The following MAPKAPK5 variants were observed in gnomAD, a reference collection of about 807,000 sequenced individuals.
MAPKAPK5 encodes the protein MAPK activated protein kinase 5, also known as MAP kinase-activated protein kinase 5.
In MAPKAPK5, 30 loss-of-function variants were observed where a neutral mutation model predicts 65.1. The ratio of observed to expected loss-of-function variants is 0.46; its 90% CI spans 0.34 to 0.63. The LOEUF (loss-of-function observed/expected upper bound fraction) is 0.63, where lower values mean the gene tolerates loss of function less well. Ranked by LOEUF, MAPKAPK5 falls within the 20% of genes least tolerant of loss-of-function variation. The pLI, the probability that MAPKAPK5 is intolerant of heterozygous loss-of-function variation, is 0.01. For missense variants in MAPKAPK5, 433 were observed against 581.4 expected (o/e 0.74, Z 2.63); for synonymous variants, 179 against 204.6 (o/e 0.87, Z 1.07).
At chr12:111,845,445 C>G (rs969381640) in intron 1 of MAPKAPK5, among the ~76,000 whole-genome samples, 5 of 152,136 alleles carry the variant, frequency 3.3e-5, no homozygotes, top group African/African-American at 1.2e-4. Flanking sequence ...CATGAGCTAC[C>G]ACGCCCAGCC....
At position 111,900,257 on chromosome 12, in the gene MAPKAPK5, T is replaced by C. The variant is rs756878138; in HGVS notation, c.*7196T>C. ...TCGTTGGGCATCACCCTGGACAGAA[T>C]ATGGGCCAGGCCTTTCTCAGTGGTG... On this transcript the variant is annotated 3_prime_UTR_variant, in exon 14 of 14. Transcript: ENST00000550735. 7 of 455,852 alleles carry C rather than the reference T, an allele frequency of 1.5e-5. No homozygotes were observed. Among genetic ancestry groups the C allele is most frequent in the Non-Finnish European group, 3.1e-5 (7 of 226,798 alleles). The allele number at this position is 455,852 out of a possible 1,614,324, so 28.2% of individuals were successfully genotyped here.
chr12:111,859,297 C>T (rs2069347767), intron 1 of MAPKAPK5, among the ~76,000 whole-genome samples: 1 of 148,232 alleles, frequency 6.7e-6, no homozygotes, highest in Non-Finnish European at 1.5e-5. Context: ...TTAGTTTTTT[C>T]GAGACGGAGT....
rs546502148 is a variant in MAPKAPK5, at chr12:111,889,721, C to T, written c.1217-319C>T. The T allele has an allele frequency of 1.4e-4, 34 of 248,562 alleles. No homozygotes were observed. The East Asian group carries it at 2.7e-3, about 20-fold the overall frequency. 15.4% of individuals were successfully genotyped at this position (248,562 alleles called of 1,614,324 possible). On this transcript the variant is annotated intron_variant, in intron 12 of 13. Coordinates refer to ENST00000550735, the MANE Select transcript of MAPKAPK5 (RefSeq NM_003668.4). Reference sequence around the variant, plus strand: ...CTTAGGGGAGAGAAAGTAGCCCACTCTCCCACTTTTTGGTCTTTGGTTGAC... The same window carrying T: ...CTTAGGGGAGAGAAAGTAGCCCACTTTCCCACTTTTTGGTCTTTGGTTGAC...
intron 8 of MAPKAPK5, chr12:111,882,784 C>T (rs2070279106): frequency 1.0e-5 from 10 of 985,290 alleles, no homozygotes; most frequent in Non-Finnish European, 1.2e-5. Flanking sequence ...CTGTTCTTCC[C>T]TCCAGTCCTC....
Position 111,900,574 on chromosome 12 carries a change from G to T in MAPKAPK5, c.*7513G>T, listed in dbSNP as rs1472839412. Reference sequence around the variant, plus strand: ...GGCCGCAAGCGTAGGGATTCTGCCTGTGGAAATGGTGTGGTGGAGGACACG... The same window carrying T: ...GGCCGCAAGCGTAGGGATTCTGCCTTTGGAAATGGTGTGGTGGAGGACACG... On this transcript the variant is annotated 3_prime_UTR_variant, in exon 14 of 14. Transcript: ENST00000550735. The T allele has an allele frequency of 4.4e-6, 2 of 456,046 alleles. No individual in the cohort carries two copies. Among genetic ancestry groups the T allele is most frequent in the Admixed American group, 4.7e-5 (2 of 42,562 alleles). 28.2% of individuals were successfully genotyped at this position (456,046 alleles called of 1,614,324 possible). A position where few individuals can be genotyped will look rare whatever the true frequency, so the allele number is the denominator to read the frequency against.
In MAPKAPK5 at chr12:111,900,289, C is replaced by G. The variant is rs562836029; in HGVS notation, c.*7228C>G. On this transcript the variant is annotated 3_prime_UTR_variant, in exon 14 of 14. Transcript: ENST00000550735. ...CAGGCCTTTCTCAGTGGTGCCTGCT[C>G]AAGCGGTTTTGCGGCAGCTGTTGAA... is the stretch of plus-strand genomic sequence containing the variant. The G allele has an allele frequency of 1.1e-3, 485 of 456,040 alleles. 5 individuals are homozygous for G. Among genetic ancestry groups the G allele is most frequent in the South Asian group, 3.3e-3 (210 of 64,552 alleles). The allele number at this position is 456,040 out of a possible 1,614,324, so 28.2% of individuals were successfully genotyped here. A position where few individuals can be genotyped will look rare whatever the true frequency, so the allele number is the denominator to read the frequency against.
rs11066047 is a variant in MAPKAPK5 at position 111,847,624 on chromosome 12, A to C, written c.36+4855A>C. Among the ~76,000 whole-genome samples, 8,436 of 152,268 alleles carry C rather than the reference A, an allele frequency of 0.055. 1,302 individuals carry two copies. In the East Asian group the frequency reaches 0.61, roughly 11 times the overall value. ...TTAAAAAAAATTGTATAGTTTGTACATCATAAAAATACCCCCAATATAAAT... is the reference window on the plus strand; with the variant it reads ...TTAAAAAAAATTGTATAGTTTGTACCTCATAAAAATACCCCCAATATAAAT... On this transcript the variant is annotated intron_variant, in intron 1 of 13. Coordinates refer to ENST00000550735, the MANE Select transcript of MAPKAPK5 (RefSeq NM_003668.4).
Position 111,889,810 on chromosome 12 carries a change from C to T in MAPKAPK5, c.1217-230C>T, listed in dbSNP as rs2070544189. On this transcript the variant is annotated intron_variant, in intron 12 of 13. Coordinates refer to ENST00000550735, the MANE Select transcript of MAPKAPK5 (RefSeq NM_003668.4). ...TATTTCCCATCCCCTGGTGCTAAGA[C>T]TCTGGGGCCATCAGTGGATTTGTAT... The T allele has an allele frequency of 6.8e-6, 3 of 442,784 alleles. No individual in the cohort carries two copies. In the South Asian group the frequency reaches 7.6e-5, roughly 11 times the overall value. 27.4% of individuals were successfully genotyped at this position (442,784 alleles called of 1,614,324 possible). A position where few individuals can be genotyped will look rare whatever the true frequency, so the allele number is the denominator to read the frequency against.
chr12:111,869,814 A>G (rs761852677), intron 5 of MAPKAPK5, among the ~76,000 whole-genome samples: 2 of 152,260 alleles, frequency 1.3e-5, no homozygotes, highest in Non-Finnish European at 2.9e-5. Context: ...ATGAGTTTCC[A>G]GTATGAATTG....
In MAPKAPK5 at chr12:111,900,871, C is replaced by T; in HGVS notation, c.*7810C>T. The stretch of plus-strand genomic sequence containing the variant: ...TGCCTTAAAGTTCATTGTATGGACC[C>T]TAATAATCAGTGCTTACAATTATAT... On this transcript the variant is annotated 3_prime_UTR_variant, in exon 14 of 14. Coordinates refer to ENST00000550735, the MANE Select transcript of MAPKAPK5 (RefSeq NM_003668.4). The T allele has an allele frequency of 2.2e-6, 1 of 456,010 alleles. No individual in the cohort carries two copies. The highest frequency in any genetic ancestry group is 3.3e-4 in the Middle Eastern group (1 of 3,070). The allele number at this position is 456,010 out of a possible 1,614,324, so 28.2% of individuals were successfully genotyped here.
At position 111,883,709 on chromosome 12, in the gene MAPKAPK5, T is replaced by C; in HGVS notation, c.789T>C (p.Phe263=). The C allele has an allele frequency of 6.2e-7, 1 of 1,614,000 alleles. No individual in the cohort carries two copies. The highest frequency in any genetic ancestry group is 1.3e-5 in the African/African-American group (1 of 75,042). ...GAAGAAAGATCATGACAGGCAGTTT[T>C]GAGTTCCCAGAGGAAGAGTGGAGTC... The part of the protein sequence containing the change: ...DMRRKIMTGS[F]EFPEEEWSQI... Residue 263 remains phenylalanine (F), a synonymous_variant, in exon 9 of 14, where the codon TTT becomes TTC. Coordinates refer to ENST00000550735, the MANE Select transcript of MAPKAPK5 (RefSeq NM_003668.4). The surrounding 1 kb of genome is among the most constrained non-coding windows in gnomAD (Gnocchi z 4.8).
intron 1 of MAPKAPK5, among the ~76,000 whole-genome samples, chr12:111,856,440 C>CT (rs1328906322): frequency 2.1e-5 from 3 of 139,884 alleles, no homozygotes; most frequent in African/African-American, 8.2e-5. Context: ...GAGTCTCACT[C>CT]TGTCTACCCA....
At chr12:111,879,947 G>A (rs1419587659) in intron 7 of MAPKAPK5, 1 of 185,910 alleles carries the variant, frequency 5.4e-6, no homozygotes, top group African/African-American at 2.3e-5. Flanking sequence ...GAACAGTGTG[G>A]GGCTGCTAAT....
At chr12:111,846,621 G>A (rs908159425) in intron 1 of MAPKAPK5, among the ~76,000 whole-genome samples, 1 of 151,088 alleles carries the variant, frequency 6.6e-6, no homozygotes, top group African/African-American at 2.4e-5. Context: ...TCAGCCTCCC[G>A]AGTAGTAGCT....
At chr12:111,862,354 C>A (rs2069467611) in intron 1 of MAPKAPK5, among the ~76,000 whole-genome samples, 1 of 152,218 alleles carries the variant, frequency 6.6e-6, no homozygotes, top group African/African-American at 2.4e-5. Context: ...CAATCAGAGT[C>A]TCTACAAGTT....
At chr12:111,891,377 C>T (rs1236840956) in intron 13 of MAPKAPK5, among the ~76,000 whole-genome samples, 9 of 151,162 alleles carry the variant, frequency 6.0e-5, no homozygotes, top group Non-Finnish European at 8.8e-5. Context: ...GCTGGGATTA[C>T]AGGTGTGAGC....
rs2068752791 is a variant in MAPKAPK5, at chr12:111,842,743, G to A, written c.10G>A (p.Glu4Lys). MSE[E>K]SDMDKAIKET... Reference sequence around the variant, plus strand: ...GGGGGCCCCACTGAGTATGTCGGAGGAGAGCGACATGGACAAAGCCATCAA... The same window carrying A: ...GGGGGCCCCACTGAGTATGTCGGAGAAGAGCGACATGGACAAAGCCATCAA... Residue 4 changes from glutamate (E) to lysine (K), a missense_variant, in exon 1 of 14, where the codon GAG becomes AAG. Coordinates refer to ENST00000550735, the MANE Select transcript of MAPKAPK5 (RefSeq NM_003668.4). 4 of 1,358,794 alleles carry A rather than the reference G, an allele frequency of 2.9e-6. No homozygotes were observed. The highest frequency in any genetic ancestry group is 2.0e-4 in the Middle Eastern group (1 of 5,058). The allele number at this position is 1,358,794 out of a possible 1,614,324, so 84.2% of individuals were successfully genotyped here.
chr12:111,883,566 C>A lies in MAPKAPK5; in HGVS notation c.661-15C>A. On this transcript the variant is annotated splice_polypyrimidine_tract_variant and intron_variant, in intron 8 of 13. Transcript: ENST00000550735. The surrounding 1 kb of genome is among the most constrained non-coding windows in gnomAD (Gnocchi z 4.8). ...TGCTTCTGCTGTGAGTGACCATTTTCTTTTTTGCTTTCAGAGCTGTGACTT... is the reference window on the plus strand; with the variant it reads ...TGCTTCTGCTGTGAGTGACCATTTTATTTTTTGCTTTCAGAGCTGTGACTT... The A allele has an allele frequency of 1.2e-6, 2 of 1,609,292 alleles. No individual in the cohort carries two copies. The highest frequency in any genetic ancestry group is 1.7e-6 in the Non-Finnish European group (2 of 1,177,704).
rs369412378 is a variant in MAPKAPK5 at position 111,883,628 on chromosome 12, C to T, written c.708C>T (p.Cys236=). ...SLGVIIYVML[C]GYPPFYSKHH... ...GGGTGATTATCTATGTGATGCTGTG[C>T]GGATACCCTCCTTTTTACTCCAAAC... Residue 236 remains cysteine (C), a synonymous_variant, in exon 9 of 14, where the codon TGC becomes TGT. Coordinates refer to ENST00000550735, the MANE Select transcript of MAPKAPK5 (RefSeq NM_003668.4). The surrounding 1 kb of genome is among the most constrained non-coding windows in gnomAD (Gnocchi z 4.8). 26 of 1,613,896 alleles carry T rather than the reference C, an allele frequency of 1.6e-5. No homozygotes were observed. In the East Asian group the frequency reaches 2.7e-4, roughly 17 times the overall value.
Sources: allele counts gnomAD v4.1 joint callset (sites outside exome capture counted in the v4.1 genomes callset), GRCh38; gene constraint gnomAD v4.1.1; non-coding constraint Gnocchi (gnomAD v3.1); transcripts MANE v1.5; gene names NCBI Gene and HGNC (gene_info 2026-07-23, HGNC 2026-07-21).